The following COL22A1 variants were observed in gnomAD, a reference collection of about 807,000 sequenced individuals.
The protein encoded by COL22A1 is collagen alpha-1(XXII) chain.
A neutral mutation model predicts 248.9 loss-of-function variants in COL22A1; 221 were observed. The ratio of observed to expected loss-of-function variants is 0.89; its 90% CI spans 0.80 to 0.99. The LOEUF is 0.99. Among genes scored for constraint, COL22A1 ranks in the 50% least tolerant of loss-of-function variants. The pLI is 0.00. For missense variants in COL22A1, 2,240 were observed against 2,179.0 expected, an observed-to-expected ratio of 1.03 and a Z score of -0.56; for synonymous variants, 891 against 793.4, an observed-to-expected ratio of 1.12 and a Z score of -2.07.
intron 59 of COL22A1, among the ~76,000 whole-genome samples, chr8:138,602,729 G>A (rs943497225): frequency 1.2e-4 from 18 of 152,230 alleles, no homozygotes; most frequent in Non-Finnish European, 2.2e-4. Flanking sequence ...GGGCAGTCAC[G>A]TCAGGGAACA....
At chr8:138,741,766 C>T (rs1586622234) in intron 22 of COL22A1, among the ~76,000 whole-genome samples, 2 of 152,170 alleles carry the variant, frequency 1.3e-5, no homozygotes, top group Admixed American at 6.5e-5. Flanking sequence ...AATTGGATGA[C>T]GCCCACAAAG....
At chr8:138,862,468 G>C (rs1032160804) in intron 3 of COL22A1, among the ~76,000 whole-genome samples, 1 of 152,070 alleles carries the variant, frequency 6.6e-6, no homozygotes, top group Non-Finnish European at 1.5e-5. Context: ...CACCCGGAGT[G>C]CCCTTTGCCT....
chr8:138,860,657 C>A (rs970498249), intron 3 of COL22A1, among the ~76,000 whole-genome samples: 2 of 152,106 alleles, frequency 1.3e-5, no homozygotes, highest in Admixed American at 6.5e-5. Context: ...AAAATGCACA[C>A]ATTAGCATGG....
At chr8:138,770,817 G>A (rs1218652603) in intron 16 of COL22A1, among the ~76,000 whole-genome samples, 6 of 152,128 alleles carry the variant, frequency 3.9e-5, no homozygotes, top group Admixed American at 3.3e-4. Flanking sequence ...CAAGGGAGTC[G>A]GAGGCAGTGC....
intron 3 of COL22A1, among the ~76,000 whole-genome samples, chr8:138,847,012 C>T (rs942354637): frequency 2.0e-5 from 3 of 152,202 alleles, no homozygotes; most frequent in African/African-American, 7.2e-5. Flanking sequence ...GACTGCTCAG[C>T]CTTGAACAAC....
intron 12 of COL22A1, among the ~76,000 whole-genome samples, chr8:138,791,747 C>T (rs1416957018): frequency 1.3e-5 from 2 of 152,200 alleles, no homozygotes; most frequent in Non-Finnish European, 2.9e-5. Context: ...GGCTCAGAGA[C>T]TCACCTTTCA....
chr8:138,703,037 C>T (rs796159835), intron 31 of COL22A1, among the ~76,000 whole-genome samples: 4 of 152,314 alleles, frequency 2.6e-5, no homozygotes, highest in African/African-American at 9.6e-5. Context: ...CCTCAGTTTC[C>T]CCATATGTGA....
chr8:138,879,690 CAAAAAAAA>C (rs372214665), intron 2 of COL22A1, among the ~76,000 whole-genome samples: 8 of 99,044 alleles, frequency 8.1e-5, no homozygotes, highest in African/African-American at 1.3e-4. Context: ...GACACTCTCT[CAAAAAAAA>C]AAAAAAAAAA....
At chr8:138,826,811 G>A (rs1391166284) in intron 5 of COL22A1, 30 bp from the exon 6 acceptor site, 1 of 1,612,342 alleles carries the variant, frequency 6.2e-7, no homozygotes, top group Admixed American at 1.7e-5. Context: ...AAGACACCAG[G>A]CTTGGCGATG....
intron 3 of COL22A1, among the ~76,000 whole-genome samples, chr8:138,857,945 C>A (rs1232667831): frequency 1.3e-5 from 2 of 152,184 alleles, no homozygotes; most frequent in Non-Finnish European, 2.9e-5. Context: ...GTGAACTGCT[C>A]CTCCGGTTAT....
intron 12 of COL22A1, among the ~76,000 whole-genome samples, chr8:138,784,747 C>A (rs1815361965): frequency 6.6e-6 from 1 of 152,184 alleles, no homozygotes; most frequent in Non-Finnish European, 1.5e-5. Context: ...CGCCTCCCCA[C>A]AACAGTTCTA....
intron 45 of COL22A1, among the ~76,000 whole-genome samples, chr8:138,652,735 GTTTTTTTTTTTTTTTT>G (rs71316352): frequency 5.5e-5 from 3 of 54,244 alleles, no homozygotes; most frequent in South Asian, 2.4e-3. Context: ...TCCTTTTCTG[GTTTTTTTTTTTTTTTT>G]TTTTTTTTTT....
At chr8:138,694,228 G>A (rs532972071) in intron 34 of COL22A1, among the ~76,000 whole-genome samples, 1 of 152,308 alleles carries the variant, frequency 6.6e-6, no homozygotes, top group African/African-American at 2.4e-5. Context: ...CGCTGAGCAG[G>A]AGAAGGGAGA....
chr8:138,734,326 A>G (rs1177597634), intron 23 of COL22A1, among the ~76,000 whole-genome samples: 1 of 152,212 alleles, frequency 6.6e-6, no homozygotes, highest in African/African-American at 2.4e-5. Context: ...CATAGACTGC[A>G]GTTACTTAGA....
At chr8:138,831,644 G>A (rs1433401865) in intron 5 of COL22A1, among the ~76,000 whole-genome samples, 1 of 152,154 alleles carries the variant, frequency 6.6e-6, no homozygotes, top group African/African-American at 2.4e-5. Context: ...AGTGGGAGGA[G>A]GATGCCTGGG....
At chr8:138,763,393 A>AG (rs1326760105) in intron 16 of COL22A1, among the ~76,000 whole-genome samples, 1 of 151,428 alleles carries the variant, frequency 6.6e-6, no homozygotes, top group Non-Finnish European at 1.5e-5. Context: ...TCTCCAAAAA[A>AG]AAAGAAAAAG....
chr8:138,759,655 C>A (rs1230705401), intron 18 of COL22A1, among the ~76,000 whole-genome samples: 1 of 152,202 alleles, frequency 6.6e-6, no homozygotes, highest in Non-Finnish European at 1.5e-5. Context: ...CAAAGAATGT[C>A]TACCTGCCAC....
chr8:138,748,998 A>G (rs1832367595), intron 22 of COL22A1, among the ~76,000 whole-genome samples: 1 of 152,140 alleles, frequency 6.6e-6, no homozygotes, highest in Non-Finnish European at 1.5e-5. Context: ...GGTAGTGAAT[A>G]AGTCTCACGA....
intron 54 of COL22A1, 89 bp downstream of exon 54, chr8:138,616,824 GC>G (rs1819362883): frequency 1.4e-6 from 2 of 1,480,792 alleles, no homozygotes; most frequent in African/African-American, 2.8e-5. Context: ...GTAAGGCACT[GC>G]CATGGCCTGC....
Sources: allele counts gnomAD v4.1 joint callset (sites outside exome capture counted in the v4.1 genomes callset), GRCh38; gene constraint gnomAD v4.1.1; transcripts MANE v1.5; gene names NCBI Gene and HGNC (gene_info 2026-07-23, HGNC 2026-07-21).